PLEKHA6: variants seen among roughly 807,000 people sequenced by gnomAD.
PLEKHA6 encodes the protein pleckstrin homology domain containing A6.
In PLEKHA6, 60 loss-of-function variants were observed where a neutral mutation model predicts 116.7. That is an observed-to-expected ratio of 0.51 (90% CI 0.42 to 0.64). PLEKHA6 has a LOEUF of 0.64. Ranked by LOEUF, PLEKHA6 falls within the 30% of genes least tolerant of loss-of-function variation. The probability of loss-of-function intolerance (pLI) is 0.00; values close to 1 mark genes in which losing one functional copy is unlikely to be tolerated. For synonymous variants in PLEKHA6, 489 were observed against 556.1 expected (o/e 0.88, Z 1.70); for missense variants, 1,338 against 1,422.7 (o/e 0.94, Z 0.96).
intron 2 of PLEKHA6, chr1:204,369,576 T>G (rs1204155817): frequency 6.6e-6 from 1 of 152,218 alleles, no homozygotes. Context: ...TCTAGCAACT[T>G]CCCTCCACAC....
intron 2 of PLEKHA6, among the ~76,000 whole-genome samples, chr1:204,273,959 G>T (rs1027072758): frequency 3.9e-5 from 6 of 152,022 alleles, no homozygotes; most frequent in Admixed American, 3.9e-4. Context: ...TTTGAGACAG[G>T]GTCTTGCTGT....
chr1:204,340,457 C>G (rs1216940755), intron 1 of PLEKHA6, among the ~76,000 whole-genome samples: 1 of 152,210 alleles, frequency 6.6e-6, no homozygotes, highest in East Asian at 1.9e-4. Context: ...CACTCCCGTA[C>G]CAGCACAACT....
chr1:204,223,656 G>A lies in PLEKHA6; in HGVS notation c.3032-71C>T, dbSNP rs903390828. 5 of 658,404 alleles carry A rather than the reference G, an allele frequency of 7.6e-6. No individual in the cohort carries two copies. The African/African-American group carries it at 9.0e-5, about 12-fold the overall frequency. The allele number at this position is 658,404 out of a possible 1,614,324, so 40.8% of individuals were successfully genotyped here. ...AGGAGGGTGGGCACCCAGAGCAAGC[G>A]AGGCCCTCCCCAGGCAGGGAGTGAG... On this transcript the variant is annotated intron_variant, in intron 21 of 22. Coordinates refer to ENST00000272203, the MANE Select transcript of PLEKHA6 (RefSeq NM_014935.5). This position sits in a 1 kb window ranked among gnomAD's most constrained non-coding sequence, Gnocchi z 4.8.
At chr1:204,247,753 G>A (rs933909694) in intron 12 of PLEKHA6, among the ~76,000 whole-genome samples, 5 of 152,138 alleles carry the variant, frequency 3.3e-5, no homozygotes, top group Non-Finnish European at 7.3e-5. Context: ...ATAAAAAGTA[G>A]AGGGCATAGC....
chr1:204,302,136 T>A (rs1163828555), intron 1 of PLEKHA6, among the ~76,000 whole-genome samples: 1 of 152,198 alleles, frequency 6.6e-6, no homozygotes, highest in Non-Finnish European at 1.5e-5. Flanking sequence ...ACCTGAGGCA[T>A]GCAGAATTAA....
chr1:204,350,364 A>G (rs1673235227), intron 1 of PLEKHA6, among the ~76,000 whole-genome samples: 1 of 152,192 alleles, frequency 6.6e-6, no homozygotes, highest in African/African-American at 2.4e-5. Flanking sequence ...GCTCTTGCAG[A>G]TGTTCCAACC....
intron 1 of PLEKHA6, chr1:204,327,002 G>A: frequency 3.0e-6 from 3 of 985,266 alleles, no homozygotes; most frequent in South Asian, 4.7e-5. Context: ...CTGTAGTAGG[G>A]ATTTGTGGAC....
chr1:204,275,602 C>A (rs4245725), intron 1 of PLEKHA6: 292,549 of 605,056 alleles, frequency 0.48, 71,246 homozygotes, highest in Middle Eastern at 0.57. Flanking sequence ...CTTGGGAAGA[C>A]CTGCTGTGGC....
chr1:204,267,995 G>A (rs945531393), intron 4 of PLEKHA6, among the ~76,000 whole-genome samples: 9 of 152,138 alleles, frequency 5.9e-5, no homozygotes, highest in Non-Finnish European at 8.8e-5. Flanking sequence ...TCAGGAAACC[G>A]GGCTGGGTTC....
intron 1 of PLEKHA6, among the ~76,000 whole-genome samples, chr1:204,351,672 G>A (rs995692073): frequency 1.3e-5 from 2 of 152,068 alleles, no homozygotes; most frequent in African/African-American, 4.8e-5. Context: ...TCCTCACTTC[G>A]CAGATAGAGT....
intron 2 of PLEKHA6, chr1:204,369,411 CCT>C (rs1673731089): frequency 6.6e-6 from 1 of 152,158 alleles, no homozygotes; most frequent in Non-Finnish European, 1.5e-5. Flanking sequence ...TACTTGTTCC[CCT>C]CTGTCTCTGT....
chr1:204,225,169 A>G (rs1316078983), intron 21 of PLEKHA6, among the ~76,000 whole-genome samples: 1 of 152,258 alleles, frequency 6.6e-6, no homozygotes, highest in East Asian at 1.9e-4. Context: ...ACAGCTTTAA[A>G]AGAGTGACAG....
At chr1:204,298,128 C>T (rs1232570981) in intron 1 of PLEKHA6, among the ~76,000 whole-genome samples, 1 of 152,224 alleles carries the variant, frequency 6.6e-6, no homozygotes, top group East Asian at 1.9e-4. Flanking sequence ...AGAGCAGCAG[C>T]CAGTCAAAAA....
rs1665754136 is a variant in PLEKHA6 at position 204,259,129 on chromosome 1, G to A, written c.1007+129C>T. On this transcript the variant is annotated intron_variant, in intron 8 of 22. Transcript: ENST00000272203. The surrounding 1 kb of genome is among the most constrained non-coding windows in gnomAD (Gnocchi z 4.6). The stretch of plus-strand genomic sequence containing the variant: ...GGGCAAGCCAGGAAGCATGGGATTT[G>A]CTTGGTTTCCCAACTCAGCCTGCTT... 1.9e-6 allele frequency: 2 copies of A among 1,069,862 alleles called. No individual in the cohort carries two copies. The highest frequency in any genetic ancestry group is 5.1e-5 in the Admixed American group (2 of 39,228). 66.3% of individuals were successfully genotyped at this position (1,069,862 alleles called of 1,614,324 possible).
At chr1:204,294,793 T>A (rs1034373516) in intron 1 of PLEKHA6, among the ~76,000 whole-genome samples, 1 of 152,166 alleles carries the variant, frequency 6.6e-6, no homozygotes, top group Non-Finnish European at 1.5e-5. Flanking sequence ...CATGGGTTCG[T>A]CACAGGAGTA....
intron 1 of PLEKHA6, among the ~76,000 whole-genome samples, chr1:204,376,807 T>C (rs1215774811): frequency 6.6e-6 from 1 of 152,156 alleles, no homozygotes; most frequent in Admixed American, 6.5e-5. Flanking sequence ...TCGTCAAGTG[T>C]GGGTAACAGT....
rs78977353 is a variant in PLEKHA6 at position 204,338,520 on chromosome 1, C to T, written c.-95+21174G>A. Among the ~76,000 whole-genome samples, 20 of 152,236 alleles carry T rather than the reference C, an allele frequency of 1.3e-4. No individual in the cohort carries two copies. In the East Asian group the frequency reaches 2.9e-3, roughly 22 times the overall value. On this transcript the variant is annotated intron_variant, in intron 1 of 22. Transcript: ENST00000272203. The stretch of plus-strand genomic sequence containing the variant: ...AATTTATGGAAGCCCTTTTCTATGC[C>T]AGGAACTTTACTAGGTCTTTAGGGT...
chr1:204,263,825 T>C (rs191957883), intron 6 of PLEKHA6, among the ~76,000 whole-genome samples: 62 of 152,256 alleles, frequency 4.1e-4, no homozygotes, highest in African/African-American at 1.4e-3. Context: ...CAGCTAGAAC[T>C]GGCTCCCTGG....
At chr1:204,252,420 C>T (rs769595202) in intron 9 of PLEKHA6, among the ~76,000 whole-genome samples, 1 of 151,872 alleles carries the variant, frequency 6.6e-6, no homozygotes, top group Non-Finnish European at 1.5e-5. Flanking sequence ...CATCATTTCC[C>T]CCACTGGTTC....
Sources: gnomAD v4.1 joint callset for allele counts (sites outside exome capture counted in the v4.1 genomes callset) on GRCh38, gnomAD v4.1.1 for gene constraint, Gnocchi (gnomAD v3.1) non-coding constraint, MANE v1.5 for transcripts, NCBI Gene and HGNC (gene_info 2026-07-23, HGNC 2026-07-21) for gene names.